Variants in CUBN observed in about 807,000 individuals in gnomAD.
CUBN encodes the protein cubilin, also known as 460 kDa receptor.
In CUBN, 282 loss-of-function variants were observed where a neutral mutation model predicts 405.3. The observed-to-expected ratio is 0.70, with a 90% CI of 0.63 to 0.77. CUBN has a LOEUF of 0.77. Ranked by LOEUF, CUBN falls within the 30% of genes least tolerant of loss-of-function variation. The pLI is 0.00. For missense variants in CUBN, 4,514 were observed against 4,475.2 expected, an observed-to-expected ratio of 1.01 and a Z score of -0.25; for synonymous variants, 1,684 against 1,617.0, an observed-to-expected ratio of 1.04 and a Z score of -0.99.
chr10:17,049,807 A>G (rs571022033), intron 22 of CUBN, among the ~76,000 whole-genome samples: 1 of 152,330 alleles, frequency 6.6e-6, no homozygotes, highest in African/African-American at 2.4e-5. Context: ...TTCCCAACCA[A>G]GCAGAATTAA....
At position 16,936,782 on chromosome 10, in the gene CUBN, G is replaced by A. The variant is rs916668442; in HGVS notation, c.5926+810C>T. ...GGCTGGAGCGCAGTGGCATGTTCTCGGCTCACTACAAACTCTACTCTGCCT... is the reference window on the plus strand; with the variant it reads ...GGCTGGAGCGCAGTGGCATGTTCTCAGCTCACTACAAACTCTACTCTGCCT... On this transcript the variant is annotated intron_variant, in intron 39 of 66. Coordinates refer to ENST00000377833, the MANE Select transcript of CUBN (RefSeq NM_001081.4). Among the ~76,000 whole-genome samples the A allele has an allele frequency of 5.9e-5, 9 of 152,062 alleles. No individual in the cohort carries two copies. The South Asian group carries it at 6.2e-4, about 11-fold the overall frequency.
At chr10:16,828,751 C>T in intron 66 of CUBN, 54 bp downstream of exon 66, 2 of 1,324,820 alleles carry the variant, frequency 1.5e-6, no homozygotes, top group Non-Finnish European at 1.1e-6. Context: ...CACTAAGTGA[C>T]TCATTATTGT....
At chr10:16,875,424 A>C (rs12257975) in intron 57 of CUBN, among the ~76,000 whole-genome samples, 3,496 of 152,296 alleles carry the variant, frequency 0.023, 141 homozygotes, top group African/African-American at 0.079. Flanking sequence ...CATGGTTTAT[A>C]CACTATCAGT....
intron 27 of CUBN, among the ~76,000 whole-genome samples, chr10:17,038,923 A>C (rs1352293993): frequency 1.3e-5 from 2 of 152,234 alleles, no homozygotes; most frequent in East Asian, 3.8e-4. Flanking sequence ...AACATGACAG[A>C]CACGTCATCC....
intron 49 of CUBN, 83 bp downstream of exon 49, chr10:16,907,425 G>A: frequency 7.3e-7 from 1 of 1,361,530 alleles, no homozygotes; most frequent in Non-Finnish European, 1.0e-6. Context: ...GAAAATGGAT[G>A]GCTCTGCTGC....
intron 19 of CUBN, among the ~76,000 whole-genome samples, chr10:17,071,044 C>T (rs141868136): frequency 6.6e-6 from 1 of 152,122 alleles, no homozygotes; most frequent in African/African-American, 2.4e-5. Flanking sequence ...CCTTCTACTC[C>T]TAGTTTGTTG....
chr10:16,867,690 C>T (rs952812096), intron 59 of CUBN, among the ~76,000 whole-genome samples: 3 of 152,214 alleles, frequency 2.0e-5, no homozygotes, highest in Admixed American at 1.3e-4. Context: ...AACCTTTTCC[C>T]TAACTGTGGC....
Position 16,935,695 on chromosome 10 carries a change from C to T in CUBN, c.5926+1897G>A, listed in dbSNP as rs187562525. 1.4e-3 allele frequency among the ~76,000 whole-genome samples: 219 copies of T among 151,806 alleles called. 1 individual carries two copies. The highest frequency in any genetic ancestry group is 4.8e-3 in the African/African-American group (198 of 41,410). Reference sequence around the variant, plus strand: ...GAGATCGAGACCATCCTGCCTAACACGGTGAAACCCCATCTGTACTAAAAA... The same window carrying T: ...GAGATCGAGACCATCCTGCCTAACATGGTGAAACCCCATCTGTACTAAAAA... On this transcript the variant is annotated intron_variant, in intron 39 of 66. Coordinates refer to ENST00000377833, the MANE Select transcript of CUBN (RefSeq NM_001081.4).
intron 38 of CUBN, 89 bp from the exon 39 acceptor site, chr10:16,937,873 C>T: frequency 5.8e-6 from 7 of 1,200,870 alleles, no homozygotes; most frequent in Admixed American, 2.3e-5. Context: ...TATATTATTA[C>T]AATGTTATCA....
intron 29 of CUBN, among the ~76,000 whole-genome samples, chr10:16,985,562 C>T (rs768113405): frequency 2.0e-5 from 3 of 152,218 alleles, no homozygotes; most frequent in African/African-American, 7.2e-5. Flanking sequence ...ACACTTGAGC[C>T]CTCTGTGGAT....
intron 59 of CUBN, among the ~76,000 whole-genome samples, chr10:16,851,978 CTCTA>C (rs1209604399): frequency 5.2e-4 from 65 of 124,200 alleles, no homozygotes; most frequent in Non-Finnish European, 1.0e-3. Context: ...CCCTCCCTCC[CTCTA>C]TCTTTCCCTC....
At chr10:17,061,503 C>T (rs1835504034) in intron 22 of CUBN, among the ~76,000 whole-genome samples, 1 of 152,162 alleles carries the variant, frequency 6.6e-6, no homozygotes, top group African/African-American at 2.4e-5. Flanking sequence ...ACTCTCTTTA[C>T]CCGTTTAGTG....
intron 28 of CUBN, among the ~76,000 whole-genome samples, chr10:17,007,435 A>G (rs891013815): frequency 2.0e-5 from 3 of 152,278 alleles, no homozygotes; most frequent in South Asian, 4.1e-4. Flanking sequence ...CTTAAAGCCA[A>G]TAGAAGGTTT....
intron 6 of CUBN, among the ~76,000 whole-genome samples, chr10:17,120,194 A>G (rs75606691): frequency 0.066 from 10,038 of 152,338 alleles, 500 homozygotes; most frequent in South Asian, 0.24. Flanking sequence ...CATAATTAAC[A>G]GAACTCAAGA....
intron 27 of CUBN, 75 bp downstream of exon 27, chr10:17,040,958 G>A: frequency 1.4e-6 from 2 of 1,416,538 alleles, no homozygotes; most frequent in Non-Finnish European, 2.0e-6. Context: ...ATTCTAAAAA[G>A]CATGATGGAT....
Position 16,984,195 on chromosome 10 carries a change from T to C in CUBN, c.4435A>G (p.Ser1479Gly), listed in dbSNP as rs1389842502. 6 of 1,614,082 alleles carry C rather than the reference T, an allele frequency of 3.7e-6. No individual in the cohort carries two copies. In the Admixed American group the frequency reaches 1.0e-4, roughly 27 times the overall value. Residue 1479 changes from serine (S) to glycine (G), a missense_variant, in exon 30 of 67, where the codon AGC (serine) becomes GGC (glycine). By Grantham distance (56) the Ser-to-Gly change is moderately conservative. This residue lies in a region of CUBN where 1,613 missense variants were observed against 1,542.8 expected (regional missense o/e 1.05). Transcript: ENST00000377833. ...CGAATTGCTAGCTCATTTCCAGTGC[T>C]GGAGACCTGCATGGGGTTCTCAGGT... is the stretch of plus-strand genomic sequence containing the variant. The part of the protein sequence containing the change: ...RSPENPMQVS[S>G]TGNELAIRFK...
chr10:17,071,243 T>C (rs1484875473), intron 19 of CUBN, among the ~76,000 whole-genome samples, 183 bp downstream of exon 19: 4 of 152,204 alleles, frequency 2.6e-5, no homozygotes, highest in African/African-American at 9.7e-5. Context: ...GGTATATAAA[T>C]CCTCTTTTTG....
intron 35 of CUBN, among the ~76,000 whole-genome samples, chr10:16,948,123 C>A (rs961554377): frequency 1.3e-5 from 2 of 152,194 alleles, no homozygotes; most frequent in Admixed American, 1.3e-4. Context: ...GCAGGAGAAT[C>A]GCTTGAATTG....
intron 56 of CUBN, among the ~76,000 whole-genome samples, chr10:16,879,035 A>G (rs1840594492): frequency 6.6e-6 from 1 of 152,216 alleles, no homozygotes; most frequent in Non-Finnish European, 1.5e-5. Context: ...TTCATGCATG[A>G]GATTTTGTGT....
Sources: allele counts gnomAD v4.1 joint callset (sites outside exome capture counted in the v4.1 genomes callset), GRCh38; gene constraint gnomAD v4.1.1; regional missense constraint gnomAD v4.1.1; transcripts MANE v1.5; gene names NCBI Gene and HGNC (gene_info 2026-07-23, HGNC 2026-07-21).